The following MTA3 variants were observed in gnomAD, a reference collection of about 807,000 sequenced individuals.
The protein encoded by MTA3 is metastasis-associated protein MTA3.
Under a neutral mutation model 83.5 loss-of-function variants are expected in MTA3, and 34 were observed. The ratio of observed to expected loss-of-function variants is 0.41; its 90% CI spans 0.31 to 0.54. The LOEUF is 0.54. Ranked by LOEUF, MTA3 falls within the 20% of genes least tolerant of loss-of-function variation. MTA3 has a pLI of 0.33. For missense variants in MTA3, 761 were observed against 726.4 expected, an observed-to-expected ratio of 1.05 and a Z score of -0.55; for synonymous variants, 303 against 252.7, an observed-to-expected ratio of 1.20 and a Z score of -1.89.
At chr2:42,581,761 T>C (rs1679676586) in intron 3 of MTA3, 1 of 291,972 alleles carries the variant, frequency 3.4e-6, no homozygotes, top group Non-Finnish European at 6.7e-6. Flanking sequence ...TAAAAAGTAT[T>C]TTATTTTATT....
chr2:42,576,052 C>G (rs577777157), intron 2 of MTA3, among the ~76,000 whole-genome samples: 6 of 152,076 alleles, frequency 3.9e-5, no homozygotes, highest in Non-Finnish European at 8.8e-5. Context: ...AAAAAGACAT[C>G]TTATTTTAGA....
intron 3 of MTA3, among the ~76,000 whole-genome samples, chr2:42,606,555 A>G (rs1345517022): frequency 5.6e-5 from 8 of 141,768 alleles, no homozygotes; most frequent in Non-Finnish European, 1.2e-4. Flanking sequence ...CACTTCCTAG[A>G]TGGGATGGCG....
At chr2:42,660,734 A>G (rs1179322375) in intron 8 of MTA3, among the ~76,000 whole-genome samples, 1 of 152,246 alleles carries the variant, frequency 6.6e-6, no homozygotes, top group African/African-American at 2.4e-5. Context: ...ATTGTTTTCT[A>G]ATGAAATGGA....
At chr2:42,628,103 T>C (rs1686299188) in intron 4 of MTA3, among the ~76,000 whole-genome samples, 1 of 152,028 alleles carries the variant, frequency 6.6e-6, no homozygotes, top group Admixed American at 6.6e-5. Flanking sequence ...AGGCTGGTCT[T>C]GAACGCCTGA....
At chr2:42,674,784 A>AGATG (rs1691181480) in intron 8 of MTA3, among the ~76,000 whole-genome samples, 1 of 151,412 alleles carries the variant, frequency 6.6e-6, no homozygotes, top group African/African-American at 2.4e-5. Flanking sequence ...TTTTTAGTAG[A>AGATG]GGCGAGGTTT....
rs1689635259 is a variant in MTA3, at chr2:42,660,916, T to G, written c.702+1054T>G. ...GGCTGGTCTTGAACTCCTCCTGGCT[T>G]TAAAGCAGTCCTCTTGCCTTGACTT... On this transcript the variant is annotated intron_variant, in intron 8 of 16. Transcript: ENST00000405094. 2.0e-5 allele frequency among the ~76,000 whole-genome samples: 3 copies of G among 152,180 alleles called. No homozygotes were observed. The South Asian group carries it at 6.2e-4, about 32-fold the overall frequency.
At chr2:42,606,200 C>G (rs1180724956) in intron 3 of MTA3, among the ~76,000 whole-genome samples, 2 of 6,652 alleles carry the variant, frequency 3.0e-4, no homozygotes, top group African/African-American at 7.6e-3. Context: ...GGGGGGCTGA[C>G]CCCCCCCCAC....
At chr2:42,517,277 TAATA>T (rs1675188598) in intron 2 of MTA3, among the ~76,000 whole-genome samples, 1 of 123,408 alleles carries the variant, frequency 8.1e-6, no homozygotes, top group African/African-American at 3.1e-5. Context: ...TAAAAATAAA[TAATA>T]AATAATTAGG....
intron 2 of MTA3, among the ~76,000 whole-genome samples, chr2:42,533,872 T>C (rs1054460603): frequency 1.3e-5 from 2 of 150,684 alleles, no homozygotes; most frequent in African/African-American, 2.4e-5. Context: ...AACGAAAGAA[T>C]GGCTATTCCA....
chr2:42,752,340 G>T, intron 16 of MTA3: 1 of 468,026 alleles, frequency 2.1e-6, no homozygotes. Flanking sequence ...CTGGCAGCAG[G>T]GTGATGTGCC....
In MTA3 at chr2:42,686,294, A is replaced by G. The variant is rs77959646; in HGVS notation, c.891+3705A>G. ...TAGCGATAGCTTTATTCCGAAGCTT[A>G]ATTTAACTTATTTCAAAATTTATAC... On this transcript the variant is annotated intron_variant, in intron 9 of 16. Transcript: ENST00000405094. Among the ~76,000 whole-genome samples the G allele has an allele frequency of 4.4e-3, 666 of 152,340 alleles. 18 individuals are homozygous for G. Among genetic ancestry groups the G allele is most frequent in the East Asian group, 0.02 (103 of 5,192 alleles).
chr2:42,653,001 T>G (rs1034117114), intron 6 of MTA3, among the ~76,000 whole-genome samples: 5 of 152,238 alleles, frequency 3.3e-5, no homozygotes, highest in African/African-American at 9.6e-5. Flanking sequence ...AATCCTTAGT[T>G]CTTCAGAGTA....
At chr2:42,640,870 A>T (rs1370028824) in intron 5 of MTA3, among the ~76,000 whole-genome samples, 1 of 151,978 alleles carries the variant, frequency 6.6e-6, no homozygotes, top group Admixed American at 6.6e-5. Context: ...AATCTTTATG[A>T]TTTTTTTCTT....
intron 16 of MTA3, among the ~76,000 whole-genome samples, chr2:42,749,558 C>T (rs1669707868): frequency 6.6e-6 from 1 of 152,118 alleles, no homozygotes; most frequent in Non-Finnish European, 1.5e-5. Context: ...ACCTCCGCCT[C>T]CTGGGTTCAA....
chr2:42,542,517 A>G (rs1572952965), intron 2 of MTA3, among the ~76,000 whole-genome samples: 1 of 152,196 alleles, frequency 6.6e-6, no homozygotes, highest in East Asian at 1.9e-4. Flanking sequence ...ACCCTTACAC[A>G]TCTCCTGAAA....
chr2:42,613,279 G>A (rs1265054058), intron 4 of MTA3, among the ~76,000 whole-genome samples: 1 of 152,222 alleles, frequency 6.6e-6, no homozygotes, highest in Non-Finnish European at 1.5e-5. Context: ...AGTTTACCGG[G>A]TGGTAATTCC....
chr2:42,629,504 G>C (rs1686463840), intron 4 of MTA3, among the ~76,000 whole-genome samples: 1 of 152,184 alleles, frequency 6.6e-6, no homozygotes, highest in South Asian at 2.1e-4. Context: ...AGCACAGCCA[G>C]TCAGTACTCT....
At position 42,712,618 on chromosome 2, in the gene MTA3, G is replaced by C. The variant is rs143847772; in HGVS notation, c.1525+3522G>C. The C allele has an allele frequency of 7.9e-5, 12 of 152,214 alleles. No homozygotes were observed. In the East Asian group the frequency reaches 2.3e-3, roughly 29 times the overall value. The allele number at this position is 152,214 out of a possible 1,614,324, so 9.4% of individuals were successfully genotyped here. On this transcript the variant is annotated intron_variant, in intron 14 of 16. Transcript: ENST00000405094. The stretch of plus-strand genomic sequence containing the variant: ...AAAATGCCTGAGCCAGTTCTACCAC[G>C]TAGACAGTACTTATTAAAAATGGAT...
chr2:42,528,118 G>C (rs1675802110), intron 2 of MTA3, among the ~76,000 whole-genome samples: 2 of 151,358 alleles, frequency 1.3e-5, no homozygotes, highest in South Asian at 4.2e-4. Flanking sequence ...GTAGAGACAG[G>C]GTTTCACCGT....
Sources: gnomAD v4.1 joint callset for allele counts (sites outside exome capture counted in the v4.1 genomes callset) on GRCh38, gnomAD v4.1.1 for gene constraint, MANE v1.5 for transcripts, NCBI Gene and HGNC (gene_info 2026-07-23, HGNC 2026-07-21) for gene names.